The following HDAC4 variants were observed in gnomAD, a reference collection of about 807,000 sequenced individuals.
HDAC4 encodes histone deacetylase A.
HDAC4 carries 16 observed loss-of-function variants against 135.1 expected under a neutral mutation model. The observed-to-expected ratio is 0.12, with a 90% CI of 0.08 to 0.18. The LOEUF (loss-of-function observed/expected upper bound fraction) is 0.18, where lower values mean the gene tolerates loss of function less well. HDAC4 is among the 10% of genes least tolerant of loss of function. The probability of loss-of-function intolerance (pLI) is 1.00; values close to 1 mark genes in which losing one functional copy is unlikely to be tolerated. For synonymous variants in HDAC4, 685 were observed against 653.4 expected (o/e 1.05, Z -0.74); for missense variants, 1,143 against 1,511.8 (o/e 0.76, Z 4.05).
intron 12 of HDAC4, among the ~76,000 whole-genome samples, chr2:239,120,420 CAG>C (rs2039564999): frequency 7.5e-6 from 1 of 133,292 alleles, no homozygotes; most frequent in Non-Finnish European, 1.7e-5. Flanking sequence ...CACACAGACA[CAG>C]ACAGATGCAC....
At chr2:239,366,073 C>T (rs1335316031) in intron 1 of HDAC4, among the ~76,000 whole-genome samples, 37 of 133,272 alleles carry the variant, frequency 2.8e-4, no homozygotes, top group Admixed American at 2.5e-3. Context: ...GGCGGACACA[C>T]ACAAACACGC....
At chr2:239,157,441 A>G (rs2042497638) in intron 6 of HDAC4, among the ~76,000 whole-genome samples, 1 of 152,218 alleles carries the variant, frequency 6.6e-6, no homozygotes, top group Non-Finnish European at 1.5e-5. Flanking sequence ...ACAGCTGGGT[A>G]CAACTCCACA....
chr2:239,353,042 C>T (rs987418188), intron 1 of HDAC4, 124 bp from the exon 2 acceptor site: 13 of 335,062 alleles, frequency 3.9e-5, no homozygotes, highest in African/African-American at 1.3e-4. Context: ...CTTGCTCTAT[C>T]GCCCAGGCTG....
At chr2:239,103,661 G>T (rs555902314) in intron 15 of HDAC4, among the ~76,000 whole-genome samples, 3 of 152,216 alleles carry the variant, frequency 2.0e-5, no homozygotes. Context: ...GCCTGAGCAG[G>T]ATCTGCTCTC....
In HDAC4 at chr2:239,308,047, C is replaced by T. The variant is rs541419754; in HGVS notation, c.22+44631G>A. 2.4e-4 allele frequency among the ~76,000 whole-genome samples: 36 copies of T among 152,220 alleles called. No individual in the cohort carries two copies. Among genetic ancestry groups the T allele is most frequent in the Non-Finnish European group, 3.8e-4 (26 of 68,042 alleles). On this transcript the variant is annotated intron_variant, in intron 2 of 26. Coordinates refer to ENST00000543185, the MANE Select transcript of HDAC4 (RefSeq NM_001378414.1). The surrounding 1 kb of genome is among the most constrained non-coding windows in gnomAD (Gnocchi z 4.2). ...ACGAGCTGCGAGGAGCCAAGGATGG[C>T]CCATCCCACCCCCAACGGTGAGAGC...
In HDAC4 at chr2:239,313,370, G is replaced by A. The variant is rs1217133744; in HGVS notation, c.22+39308C>T. ...GGAGAAACCCAAGGGACACTCACTT[G>A]CTGGAAACGGCCTCCTCCCCAAAGA... On this transcript the variant is annotated intron_variant, in intron 2 of 26. Coordinates refer to ENST00000543185, the MANE Select transcript of HDAC4 (RefSeq NM_001378414.1). This position sits in a 1 kb window ranked among gnomAD's most constrained non-coding sequence, Gnocchi z 5.1. 6.6e-6 allele frequency among the ~76,000 whole-genome samples: 1 copy of A among 152,170 alleles called. No homozygotes were observed. The highest frequency in any genetic ancestry group is 1.5e-5 in the Non-Finnish European group (1 of 68,032).
At chr2:239,158,864 G>C (rs943660155) in intron 6 of HDAC4, among the ~76,000 whole-genome samples, 2 of 152,046 alleles carry the variant, frequency 1.3e-5, no homozygotes, top group African/African-American at 4.8e-5. Flanking sequence ...GCGAGCAGAA[G>C]TGAAGCTCTA....
In HDAC4 at chr2:239,285,341, C is replaced by G. The variant is rs994954073; in HGVS notation, c.23-48677G>C. On this transcript the variant is annotated intron_variant, in intron 2 of 26. Transcript: ENST00000543185. This position sits in a 1 kb window ranked among gnomAD's most constrained non-coding sequence, Gnocchi z 4.5. ...GGCCCCCAAGTTCGCGGCTGTGCAGCGTGGCCAGAATGCTGAGCCGGTGCT... is the reference window on the plus strand; with the variant it reads ...GGCCCCCAAGTTCGCGGCTGTGCAGGGTGGCCAGAATGCTGAGCCGGTGCT... Among the ~76,000 whole-genome samples the G allele has an allele frequency of 6.6e-6, 1 of 152,164 alleles. No individual in the cohort carries two copies. Among genetic ancestry groups the G allele is most frequent in the Non-Finnish European group, 1.5e-5 (1 of 68,026 alleles).
At chr2:239,127,446 TTCA>T in intron 11 of HDAC4, among the ~76,000 whole-genome samples, 1 of 152,324 alleles carries the variant, frequency 6.6e-6, no homozygotes, top group African/African-American at 2.4e-5. Flanking sequence ...TCTGCATGCG[TTCA>T]TCGAGATATA....
intron 11 of HDAC4, among the ~76,000 whole-genome samples, chr2:239,131,159 C>A (rs1170969022): frequency 2.0e-5 from 3 of 152,216 alleles, no homozygotes; most frequent in Non-Finnish European, 2.9e-5. Flanking sequence ...CGAGGAACTG[C>A]CCGGAGCGGT....
At chr2:239,102,972 C>T (rs2037797591) in intron 15 of HDAC4, 76 bp from the exon 16 acceptor site, 21 of 1,582,302 alleles carry the variant, frequency 1.3e-5, no homozygotes, top group Admixed American at 1.7e-5. Flanking sequence ...GAAACTCCAA[C>T]TGAAACCATT....
Position 239,168,094 on chromosome 2 carries a change from T to G in HDAC4, c.491-4171A>C, listed in dbSNP as rs143604087. On this transcript the variant is annotated intron_variant, in intron 5 of 26. Coordinates refer to ENST00000543185, the MANE Select transcript of HDAC4 (RefSeq NM_001378414.1). ...CTGCTTGGCTTCTGCCTGAAAGTGC[T>G]CCTTTTTCTCTCCACCCCCTTGCCT... Among the ~76,000 whole-genome samples the G allele has an allele frequency of 6.4e-4, 97 of 152,318 alleles. 1 individual carries two copies. The East Asian group carries it at 0.018, about 28-fold the overall frequency.
intron 25 of HDAC4, among the ~76,000 whole-genome samples, chr2:239,053,961 C>G (rs1239422720): frequency 6.6e-6 from 1 of 151,936 alleles, no homozygotes; most frequent in Non-Finnish European, 1.5e-5. Context: ...GCCTTCCTAT[C>G]TCTGGGAGCA....
At chr2:239,135,569 T>G (rs1216172462) in intron 9 of HDAC4, among the ~76,000 whole-genome samples, 1 of 152,266 alleles carries the variant, frequency 6.6e-6, no homozygotes, top group Non-Finnish European at 1.5e-5. Flanking sequence ...AATCAGTTAG[T>G]GGCACCCTTT....
At chr2:239,091,288 C>G (rs3791378) in intron 17 of HDAC4, 38,439 of 152,168 alleles carry the variant, frequency 0.25, 5,111 homozygotes, top group African/African-American at 0.32. Flanking sequence ...AATACACAGC[C>G]CTTGGGCTGG....
chr2:239,083,681 A>T (rs563569184), intron 20 of HDAC4, among the ~76,000 whole-genome samples: 4 of 152,350 alleles, frequency 2.6e-5, no homozygotes, highest in South Asian at 2.1e-4. Context: ...ATTTAAAAAG[A>T]GATGACTCTT....
At chr2:239,195,238 C>T (rs1312252169) in intron 3 of HDAC4, among the ~76,000 whole-genome samples, 2 of 152,246 alleles carry the variant, frequency 1.3e-5, no homozygotes, top group Non-Finnish European at 2.9e-5. Context: ...CCACTATCTG[C>T]TAAAGTAAGC....
intron 1 of HDAC4, among the ~76,000 whole-genome samples, chr2:239,388,210 A>G (rs1042271479): frequency 1.3e-5 from 2 of 152,310 alleles, no homozygotes; most frequent in Admixed American, 1.3e-4. Context: ...CAGTTCTTCA[A>G]GGAGGAAACC....
chr2:239,122,476 T>C (rs1444163133), intron 12 of HDAC4, among the ~76,000 whole-genome samples: 1 of 152,232 alleles, frequency 6.6e-6, no homozygotes, highest in East Asian at 1.9e-4. Context: ...CGCCCTCTGA[T>C]GGTGTGCGTT....
Sources: allele counts gnomAD v4.1 joint callset (sites outside exome capture counted in the v4.1 genomes callset), GRCh38; gene constraint gnomAD v4.1.1; non-coding constraint Gnocchi (gnomAD v3.1); transcripts MANE v1.5; gene names NCBI Gene and HGNC (gene_info 2026-07-23, HGNC 2026-07-21).